FAM204A: variants seen among roughly 807,000 people sequenced by gnomAD.
FAM204A encodes protein FAM204A.
A neutral mutation model predicts 35.4 loss-of-function variants in FAM204A; 16 were observed. The ratio of observed to expected loss-of-function variants is 0.45; its 90% CI spans 0.31 to 0.69. The LOEUF (loss-of-function observed/expected upper bound fraction) is 0.69. Among genes scored for constraint, FAM204A ranks in the 30% least tolerant of loss-of-function variants. The probability of loss-of-function intolerance (pLI) is 0.07; values close to 1 mark genes in which losing one functional copy is unlikely to be tolerated. For missense variants in FAM204A, 240 were observed against 265.7 expected (o/e 0.90, Z 0.67); for synonymous variants, 76 against 86.9 (o/e 0.88, Z 0.70).
intron 7 of FAM204A, among the ~76,000 whole-genome samples, chr10:118,315,145 G>A (rs995924933): frequency 1.3e-5 from 2 of 151,996 alleles, no homozygotes; most frequent in Non-Finnish European, 2.9e-5. Flanking sequence ...AATGCACGGC[G>A]ACATTTTTTT....
chr10:118,337,268 T>C, intron 2 of FAM204A: 1 of 984,312 alleles, frequency 1.0e-6, no homozygotes, highest in Non-Finnish European at 1.2e-6. Context: ...AGCACATATA[T>C]TGAGCCAAAA....
At chr10:118,313,680 T>C (rs112029758) in intron 7 of FAM204A, among the ~76,000 whole-genome samples, 27 of 152,122 alleles carry the variant, frequency 1.8e-4, no homozygotes, top group African/African-American at 5.8e-4. Context: ...TCCTATCAAA[T>C]GCAAATTCAG....
rs1471875427 is a variant in FAM204A, at chr10:118,303,349, GAAC to G, written c.*7505_*7507del. On this transcript the variant is annotated 3_prime_UTR_variant, in exon 9 of 9. Transcript: ENST00000369183. Reference sequence around the variant, plus strand: ...TCAAAGTGTTTTTAAAAAATTTACAGAACAATAACAGTACTTCTAAGGCTTATA... The same window carrying G: ...TCAAAGTGTTTTTAAAAAATTTACAGAATAACAGTACTTCTAAGGCTTATA... 8 of 152,248 alleles carry G rather than the reference GAAC, an allele frequency of 5.3e-5. No homozygotes were observed. In the East Asian group the frequency reaches 7.7e-4, roughly 15 times the overall value. The allele number at this position is 152,248 out of a possible 1,614,324, so 9.4% of individuals were successfully genotyped here. A position where few individuals can be genotyped will look rare whatever the true frequency, so the allele number is the denominator to read the frequency against.
rs961022180 is a variant in FAM204A at position 118,298,465 on chromosome 10, C to T, written c.*12392G>A. 1 of 152,178 alleles carries T rather than the reference C, an allele frequency of 6.6e-6. No homozygotes were observed. The highest frequency in any genetic ancestry group is 1.5e-5 in the Non-Finnish European group (1 of 68,038). 9.4% of individuals were successfully genotyped at this position (152,178 alleles called of 1,614,324 possible). A position where few individuals can be genotyped will look rare whatever the true frequency, so the allele number is the denominator to read the frequency against. ...CTCTTCATTTTTATGTGTCAGAAAG[C>T]GTTCCTTGCATAAACAGGTGTTATT... On this transcript the variant is annotated 3_prime_UTR_variant, in exon 9 of 9. Coordinates refer to ENST00000369183, the MANE Select transcript of FAM204A (RefSeq NM_022063.3).
chr10:118,301,360 T>C lies in FAM204A; in HGVS notation c.*9497A>G, dbSNP rs1275029810. ...AGACACTAGACTCTCAGTTCAGACA[T>C]TTACTCACAACAGAAATAGCCATCA... On this transcript the variant is annotated 3_prime_UTR_variant, in exon 9 of 9. Coordinates refer to ENST00000369183, the MANE Select transcript of FAM204A (RefSeq NM_022063.3). 6.6e-6 allele frequency: 1 copy of C among 152,190 alleles called. No individual in the cohort carries two copies. The highest frequency in any genetic ancestry group is 2.4e-5 in the African/African-American group (1 of 41,438). The allele number at this position is 152,190 out of a possible 1,614,324, so 9.4% of individuals were successfully genotyped here. A position where few individuals can be genotyped will look rare whatever the true frequency, so the allele number is the denominator to read the frequency against.
rs1399213078 is a variant in FAM204A at position 118,305,349 on chromosome 10, C to G, written c.*5508G>C. 6.6e-6 allele frequency: 1 copy of G among 152,192 alleles called. No individual in the cohort carries two copies. Among genetic ancestry groups the G allele is most frequent in the Non-Finnish European group, 1.5e-5 (1 of 68,044 alleles). The allele number at this position is 152,192 out of a possible 1,614,324, so 9.4% of individuals were successfully genotyped here. ...AAAATAAAGGACACGTTAATGCAGT[C>G]TAAGAAAACTTTAAGCTTAAAATCA... On this transcript the variant is annotated 3_prime_UTR_variant, in exon 9 of 9. Coordinates refer to ENST00000369183, the MANE Select transcript of FAM204A (RefSeq NM_022063.3).
rs180978488 is a variant in FAM204A at position 118,319,811 on chromosome 10, T to C, written c.543+6343A>G. ...ATCAAAAACCAATATGATTACTCTT[T>C]GTAGCTTGTGCAAAACTGTTATAAT... is the stretch of plus-strand genomic sequence containing the variant. On this transcript the variant is annotated intron_variant, in intron 7 of 8. Transcript: ENST00000369183. Among the ~76,000 whole-genome samples, 407 of 152,090 alleles carry C rather than the reference T, an allele frequency of 2.7e-3. 3 individuals carry two copies. The highest frequency in any genetic ancestry group is 9.1e-3 in the African/African-American group (380 of 41,554).
intron 7 of FAM204A, among the ~76,000 whole-genome samples, chr10:118,321,743 A>AAAAAAAAC: frequency 6.6e-6 from 1 of 150,662 alleles, no homozygotes; most frequent in Non-Finnish European, 1.5e-5. Context: ...AAAAAAAAAA[A>AAAAAAAAC]AGAATCCTAA....
intron 7 of FAM204A, among the ~76,000 whole-genome samples, chr10:118,320,109 C>A (rs2133273913): frequency 6.6e-6 from 1 of 151,936 alleles, no homozygotes; most frequent in Non-Finnish European, 1.5e-5. Context: ...CTATAGCAGG[C>A]TAACATGAAG....
rs773380867 is a variant in FAM204A, at chr10:118,335,154, T to A, written c.413A>T (p.Asp138Val). 1.2e-6 allele frequency: 2 copies of A among 1,613,502 alleles called. No individual in the cohort carries two copies. The highest frequency in any genetic ancestry group is 1.7e-6 in the Non-Finnish European group (2 of 1,179,734). The change falls in exon 6 of 9, where the codon GAT becomes GTT. Residue 138 changes from aspartate (D) to valine (V), a missense_variant. Coordinates refer to ENST00000369183, the MANE Select transcript of FAM204A (RefSeq NM_022063.3). ...CCTTTTAACAGGCGGGTCAAATCTA[T>A]CATTGACTCCAAAATACTGAGTAAG... is the stretch of plus-strand genomic sequence containing the variant. ...KELTQYFGVNDRFDPPVKRKK... is the reference protein window; with the variant it reads ...KELTQYFGVNVRFDPPVKRKK...
In FAM204A at chr10:118,305,793, C is replaced by T. The variant is rs544517967; in HGVS notation, c.*5064G>A. On this transcript the variant is annotated 3_prime_UTR_variant, in exon 9 of 9. Transcript: ENST00000369183. ...TATAGTAGGCATTCAGGAAATGTTC[C>T]TTGGGCATTATGTAGGGAGAAATTC... The T allele has an allele frequency of 6.6e-6, 1 of 152,312 alleles. No homozygotes were observed. Among genetic ancestry groups the T allele is most frequent in the East Asian group, 1.9e-4 (1 of 5,186 alleles). The allele number at this position is 152,312 out of a possible 1,614,324, so 9.4% of individuals were successfully genotyped here.
rs917043432 is a variant in FAM204A, at chr10:118,299,635, C to G, written c.*11222G>C. On this transcript the variant is annotated 3_prime_UTR_variant, in exon 9 of 9. Transcript: ENST00000369183. ...GGCTCAAGCAGCTCTCCCTCCTCGGCCTCCCAAAGTGCTAGGATTACAGGA... is the reference window on the plus strand; with the variant it reads ...GGCTCAAGCAGCTCTCCCTCCTCGGGCTCCCAAAGTGCTAGGATTACAGGA... 2 of 152,244 alleles carry G rather than the reference C, an allele frequency of 1.3e-5. No individual in the cohort carries two copies. Among genetic ancestry groups the G allele is most frequent in the African/African-American group, 4.8e-5 (2 of 41,396 alleles). The allele number at this position is 152,244 out of a possible 1,614,324, so 9.4% of individuals were successfully genotyped here.
At chr10:118,322,010 C>G (rs1488235239) in intron 7 of FAM204A, among the ~76,000 whole-genome samples, 1 of 152,044 alleles carries the variant, frequency 6.6e-6, no homozygotes, top group Non-Finnish European at 1.5e-5. Context: ...CAAAGGCACA[C>G]AAAAGATTCT....
intron 7 of FAM204A, among the ~76,000 whole-genome samples, chr10:118,313,314 C>T (rs1845981808): frequency 6.6e-6 from 1 of 152,166 alleles, no homozygotes; most frequent in Non-Finnish European, 1.5e-5. Context: ...ATGCCGGCAT[C>T]TCAACATGTG....
rs1845902390 is a variant in FAM204A, at chr10:118,308,690, T to A, written c.*2167A>T. 1 of 152,702 alleles carries A rather than the reference T, an allele frequency of 6.5e-6. No individual in the cohort carries two copies. The allele number at this position is 152,702 out of a possible 1,614,324, so 9.5% of individuals were successfully genotyped here. A position where few individuals can be genotyped will look rare whatever the true frequency, so the allele number is the denominator to read the frequency against. On this transcript the variant is annotated 3_prime_UTR_variant, in exon 9 of 9. Coordinates refer to ENST00000369183, the MANE Select transcript of FAM204A (RefSeq NM_022063.3). The stretch of plus-strand genomic sequence containing the variant: ...GCCTGCCTTCCGCGTAGTTAAAATG[T>A]TCCCATCTACATGAGAACCCCGAGG...
In FAM204A at chr10:118,341,862, A is replaced by C. The variant is rs1846489461; in HGVS notation, c.-144T>G. 6.6e-6 allele frequency: 1 copy of C among 152,278 alleles called. No homozygotes were observed. Among genetic ancestry groups the C allele is most frequent in the Non-Finnish European group, 1.5e-5 (1 of 68,098 alleles). The allele number at this position is 152,278 out of a possible 1,614,324, so 9.4% of individuals were successfully genotyped here. A position where few individuals can be genotyped will look rare whatever the true frequency, so the allele number is the denominator to read the frequency against. On this transcript the variant is annotated 5_prime_UTR_variant, in exon 2 of 9. Coordinates refer to ENST00000369183, the MANE Select transcript of FAM204A (RefSeq NM_022063.3). ...AAAGAGAGAGAAGCCCCTCCCGGGC[A>C]CAGAACTAAGCGCTGCACATTCCGG...
Position 118,326,166 on chromosome 10 carries a change from T to C in FAM204A, c.531A>G (p.Leu177=). 1 of 1,613,788 alleles carries C rather than the reference T, an allele frequency of 6.2e-7. No individual in the cohort carries two copies. Among genetic ancestry groups the C allele is most frequent in the African/African-American group, 1.3e-5 (1 of 75,028 alleles). The change falls in exon 7 of 9, where the codon CTA becomes CTG. Residue 177 remains leucine, a synonymous_variant. Transcript: ENST00000369183. ...IEKAEELSNQ[L]ATRELGVKIA... is the part of the protein sequence containing the mutation. ...CCTTTTGACTCACCTCTCGAGTAGC[T>C]AGCTGGTTGCTGAGTTCCTCAGCCT...
chr10:118,325,279 G>C (rs896222146), intron 7 of FAM204A, among the ~76,000 whole-genome samples: 2 of 152,066 alleles, frequency 1.3e-5, no homozygotes, highest in African/African-American at 4.8e-5. Context: ...TTCCATAGAA[G>C]AATTTGCTGA....
intron 2 of FAM204A, among the ~76,000 whole-genome samples, chr10:118,338,982 G>A (rs758319965): frequency 6.6e-5 from 10 of 152,122 alleles, no homozygotes; most frequent in Non-Finnish European, 8.8e-5. Flanking sequence ...ACTGTCCTCA[G>A]TGTGGCATCT....
Sources: allele counts gnomAD v4.1 joint callset (sites outside exome capture counted in the v4.1 genomes callset), GRCh38; gene constraint gnomAD v4.1.1; transcripts MANE v1.5; gene names NCBI Gene and HGNC (gene_info 2026-07-23, HGNC 2026-07-21).